The following FAM50B variants were observed in gnomAD, a reference collection of about 807,000 sequenced individuals.
FAM50B encodes the protein protein FAM50B.
A neutral mutation model predicts 25.4 loss-of-function variants in FAM50B; 9 were observed. The observed-to-expected ratio is 0.35, with a 90% CI of 0.21 to 0.62. FAM50B has a LOEUF of 0.62. Among genes scored for constraint, FAM50B ranks in the 20% least tolerant of loss-of-function variants. The pLI is 0.73. For synonymous variants in FAM50B, 212 were observed against 204.3 expected (o/e 1.04, Z -0.32); for missense variants, 372 against 477.9 (o/e 0.78, Z 2.07).
At position 3,849,804 on chromosome 6, in the gene FAM50B, C is replaced by T. The variant is rs753713357; in HGVS notation, c.-8C>T. 3.1e-6 allele frequency: 5 copies of T among 1,596,254 alleles called. No individual in the cohort carries two copies. The highest frequency in any genetic ancestry group is 1.1e-5 in the South Asian group (1 of 89,738). On this transcript the variant is annotated 5_prime_UTR_variant, in exon 2 of 2. Transcript: ENST00000648326. The stretch of plus-strand genomic sequence containing the variant: ...TTTGCTGCAGAGCCCATCGGGTAGG[C>T]GCGGGCCATGGCGCAGTACAAGGGC...
intron 1 of FAM50B, 51 bp downstream of exon 1, chr6:3,849,537 T>A (rs965586877): frequency 3.0e-5 from 14 of 470,618 alleles, no homozygotes; most frequent in Non-Finnish European, 3.3e-5. Context: ...CTCCCCAAAT[T>A]CAGCGCTGCG....
chr6:3,848,361 T>C (rs182732862), upstream of FAM50B, among the ~76,000 whole-genome samples: 2 of 152,242 alleles, frequency 1.3e-5, no homozygotes, highest in African/African-American at 2.4e-5. Context: ...AAAAGGAAAG[T>C]GTGAAAGGCT....
At chr6:3,834,538 A>T in the FAM50B span, among the ~76,000 whole-genome samples, 1 of 151,994 alleles carries the variant, frequency 6.6e-6, no homozygotes, top group South Asian at 2.1e-4. Context: ...TGATCATACA[A>T]TTTGAAGAAC....
chr6:3,849,534 A>C (rs1021137801), intron 1 of FAM50B, 48 bp downstream of exon 1: 152 of 463,650 alleles, frequency 3.3e-4, no homozygotes, highest in African/African-American at 2.8e-3. Flanking sequence ...CAGCTCCCCA[A>C]ATTCAGCGCT....
At chr6:3,837,530 C>T in the FAM50B span, among the ~76,000 whole-genome samples, 852 of 152,262 alleles carry the variant, frequency 5.6e-3, 9 homozygotes, top group African/African-American at 0.019. Context: ...GATGCCACTA[C>T]GTACCTATTA....
chr6:3,838,087 A>T, the FAM50B span, among the ~76,000 whole-genome samples: 95 of 152,322 alleles, frequency 6.2e-4, 2 homozygotes, highest in East Asian at 0.017. Context: ...AGTTTAGTAG[A>T]TTTTATTAAG....
upstream of FAM50B, among the ~76,000 whole-genome samples, chr6:3,846,715 T>A (rs775135753): frequency 5.3e-5 from 8 of 152,244 alleles, no homozygotes; most frequent in Non-Finnish European, 1.0e-4. Context: ...CCTACAGTGG[T>A]GAATGCCTTC....
the FAM50B span, among the ~76,000 whole-genome samples, chr6:3,837,186 C>T: frequency 7.9e-5 from 12 of 152,254 alleles, no homozygotes; most frequent in African/African-American, 2.9e-4. Context: ...ACAATTCCTA[C>T]ATAAGATATC....
the FAM50B span, among the ~76,000 whole-genome samples, chr6:3,835,782 A>G: frequency 6.6e-6 from 1 of 152,240 alleles, no homozygotes; most frequent in Admixed American, 6.5e-5. Context: ...CTCTAAGCCT[A>G]TAACAAATTT....
chr6:3,842,836 T>G, the FAM50B span, among the ~76,000 whole-genome samples: 39 of 152,360 alleles, frequency 2.6e-4, no homozygotes, highest in African/African-American at 9.1e-4. Flanking sequence ...AAAAAATACT[T>G]TTCATCAAGT....
chr6:3,840,296 AC>A, the FAM50B span, among the ~76,000 whole-genome samples: 2 of 151,240 alleles, frequency 1.3e-5, no homozygotes, highest in Non-Finnish European at 2.9e-5. Flanking sequence ...TCCTGCCAAA[AC>A]CCCGTCTTTA....
the FAM50B span, among the ~76,000 whole-genome samples, chr6:3,838,840 C>CAAAA: frequency 2.1e-4 from 10 of 47,980 alleles, no homozygotes; most frequent in South Asian, 7.5e-4. Context: ...GACTCCATCT[C>CAAAA]AAAAAAAAAA....
At chr6:3,845,546 G>A (rs1308288728), upstream of FAM50B, among the ~76,000 whole-genome samples, 1 of 152,148 alleles carries the variant, frequency 6.6e-6, no homozygotes, top group Non-Finnish European at 1.5e-5. Flanking sequence ...TAATTATATG[G>A]GAAACCTGAG....
intron 1 of FAM50B, 50 bp from the exon 2 acceptor site, chr6:3,849,739 C>T (rs1303479913): frequency 5.3e-5 from 79 of 1,498,330 alleles, no homozygotes; most frequent in Non-Finnish European, 6.7e-5. Context: ...GCATTCCCCG[C>T]CGTTGCGTGG....
chr6:3,842,286 C>T, the FAM50B span, among the ~76,000 whole-genome samples: 1 of 152,174 alleles, frequency 6.6e-6, no homozygotes, highest in Non-Finnish European at 1.5e-5. Flanking sequence ...AGCTGTGAAA[C>T]GTAGTGTGCG....
chr6:3,833,274 G>A, the FAM50B span, among the ~76,000 whole-genome samples: 1 of 152,284 alleles, frequency 6.6e-6, no homozygotes, highest in East Asian at 1.9e-4. Context: ...TGAGAATTTA[G>A]AATCATAAGA....
the FAM50B span, among the ~76,000 whole-genome samples, chr6:3,838,840 CAAAA>C: frequency 2.1e-5 from 1 of 48,166 alleles, no homozygotes; most frequent in Non-Finnish European, 4.1e-5. Context: ...GACTCCATCT[CAAAA>C]AAAAAAAAAA....
the FAM50B span, among the ~76,000 whole-genome samples, chr6:3,839,677 C>T: frequency 4.6e-5 from 7 of 152,168 alleles, no homozygotes; most frequent in Non-Finnish European, 1.5e-5. Flanking sequence ...TATTTCATGG[C>T]AAGACTTCAG....
At chr6:3,843,959 G>C in the FAM50B span, among the ~76,000 whole-genome samples, 1 of 152,144 alleles carries the variant, frequency 6.6e-6, no homozygotes, top group Non-Finnish European at 1.5e-5. Flanking sequence ...ACCCAGGCCA[G>C]GCCCACCATC....
Sources: gnomAD v4.1 joint callset for allele counts (sites outside exome capture counted in the v4.1 genomes callset) on GRCh38, gnomAD v4.1.1 for gene constraint, MANE v1.5 for transcripts, NCBI Gene and HGNC (gene_info 2026-07-23, HGNC 2026-07-21) for gene names.